DIS3: variants seen among roughly 807,000 people sequenced by gnomAD.
DIS3 encodes exosome complex exonuclease RRP44.
In DIS3, 103 loss-of-function variants were observed where a neutral mutation model predicts 113.0. That is an observed-to-expected ratio of 0.91 (90% CI 0.78 to 1.07). DIS3 has a LOEUF of 1.07. Among genes scored for constraint, DIS3 ranks in the 50% least tolerant of loss-of-function variants. The pLI, the probability that DIS3 is intolerant of heterozygous loss-of-function variation, is 0.00. For missense variants in DIS3, 1,121 were observed against 1,167.1 expected (o/e 0.96, Z 0.58); for synonymous variants, 402 against 394.3 (o/e 1.02, Z -0.23).
chr13:72,755,452 T>A lies in DIS3; in HGVS notation c.*4343A>T, dbSNP rs1000939267. 1 of 488,584 alleles carries A rather than the reference T, an allele frequency of 2.0e-6. No homozygotes were observed. The highest frequency in any genetic ancestry group is 3.6e-5 in the Admixed American group (1 of 27,694). The allele number at this position is 488,584 out of a possible 1,614,324, so 30.3% of individuals were successfully genotyped here. On this transcript the variant is annotated 3_prime_UTR_variant, in exon 21 of 21. Transcript: ENST00000377767. ...ATCAATAAATATTTTTATACTTACA[T>A]TGAGTGATGTGTTTAACAACAAATT...
chr13:72,772,044 C>T, intron 10 of DIS3, 115 bp downstream of exon 10: 1 of 1,194,432 alleles, frequency 8.4e-7, no homozygotes, highest in Non-Finnish European at 1.2e-6. Flanking sequence ...CAATAGCGTG[C>T]AGCTACAATT....
At chr13:72,760,732 ATAG>A (rs1158479890) in intron 19 of DIS3, 81 bp from the exon 20 acceptor site, 10 of 1,487,492 alleles carry the variant, frequency 6.7e-6, no homozygotes, top group Middle Eastern at 2.5e-4. Context: ...TTTATCTTAC[ATAG>A]TAGAAGTTTA....
chr13:72,766,929 G>T (rs988954411), intron 14 of DIS3, among the ~76,000 whole-genome samples: 3 of 152,102 alleles, frequency 2.0e-5, no homozygotes, highest in Non-Finnish European at 4.4e-5. Context: ...TTTATTAAAA[G>T]AACTATAGTA....
chr13:72,775,303 TGG>T lies in DIS3; in HGVS notation c.893_894del (p.Pro298GlnfsTer14). The T allele has an allele frequency of 1.2e-6, 2 of 1,613,832 alleles. No individual in the cohort carries two copies. Among genetic ancestry groups the T allele is most frequent in the Non-Finnish European group, 1.7e-6 (2 of 1,179,790 alleles). ...HEDIVAVELLPKSQWVAPSSV... is the reference protein window; with the variant it reads ...HEDIVAVELLXKSQWVAPSSV... Reference sequence around the variant, plus strand: ...GAAGATGGTGCTACCCACTGACTCTTGGGGAGAAGCTCCACAGCCACAATATC... The same window carrying T: ...GAAGATGGTGCTACCCACTGACTCTTGGAGAAGCTCCACAGCCACAATATC... On this transcript the variant is annotated frameshift_variant, in exon 6 of 21. Coordinates refer to ENST00000377767, the MANE Select transcript of DIS3 (RefSeq NM_014953.5). LOFTEE classifies it high-confidence loss of function.
At position 72,781,714 on chromosome 13, in the gene DIS3, C is replaced by CCACACGCTGCG; in HGVS notation, c.108_118dup (p.Gly40AlafsTer53). On this transcript the variant is annotated frameshift_variant, in exon 1 of 21. Transcript: ENST00000377767. LOFTEE classifies it high-confidence loss of function. ...CAGGGCCGGCCCCTCGTGCGCCCCTCCACACGCTGCGCACCCGGGCGCACC... is the reference window on the plus strand; with the variant it reads ...CAGGGCCGGCCCCTCGTGCGCCCCTCCACACGCTGCGCACACGCTGCGCACCCGGGCGCACC... 1 of 1,574,620 alleles carries CCACACGCTGCG rather than the reference C, an allele frequency of 6.4e-7. No individual in the cohort carries two copies. Among genetic ancestry groups the CCACACGCTGCG allele is most frequent in the Non-Finnish European group, 8.6e-7 (1 of 1,161,170 alleles).
chr13:72,781,617 C>A lies in DIS3; in HGVS notation c.216G>T (p.Val72=). The change falls in exon 1 of 21, where the codon GTG becomes GTT. Residue 72 remains valine (V), a synonymous_variant. Coordinates refer to ENST00000377767, the MANE Select transcript of DIS3 (RefSeq NM_014953.5). ...CCCGCCCACGCACCTGGTGCAGTAA[C>A]ACATTAGTGTCGGGCAGCAAGTAGT... The part of the protein sequence containing the change: ...QPHYLLPDTN[V]LLHQIDVLED... 6.6e-7 allele frequency: 1 copy of A among 1,525,698 alleles called. No individual in the cohort carries two copies. The highest frequency in any genetic ancestry group is 8.8e-7 in the Non-Finnish European group (1 of 1,132,846). The allele number at this position is 1,525,698 out of a possible 1,614,324, so 94.5% of individuals were successfully genotyped here.
rs910814690 is a variant in DIS3, at chr13:72,755,968, G to C, written c.*3827C>G. On this transcript the variant is annotated 3_prime_UTR_variant, in exon 21 of 21. Coordinates refer to ENST00000377767, the MANE Select transcript of DIS3 (RefSeq NM_014953.5). ...GAATGTGGGAGAACCAAGAGAAAAA[G>C]TGGGGCTGGGAGAGTGGAGTTCCCG... 4 of 398,500 alleles carry C rather than the reference G, an allele frequency of 1.0e-5. No homozygotes were observed. The highest frequency in any genetic ancestry group is 1.8e-5 in the Non-Finnish European group (4 of 226,082). The allele number at this position is 398,500 out of a possible 1,614,324, so 24.7% of individuals were successfully genotyped here.
intron 2 of DIS3, 31 bp from the exon 3 acceptor site, chr13:72,778,411 A>G (rs201239743): frequency 6.6e-7 from 1 of 1,516,528 alleles, no homozygotes; most frequent in East Asian, 2.3e-5. Flanking sequence ...AAATAAAAGG[A>G]AATCAGTAGA....
At chr13:72,760,836 A>G (rs890163395) in intron 19 of DIS3, among the ~76,000 whole-genome samples, 185 bp from the exon 20 acceptor site, 3 of 152,150 alleles carry the variant, frequency 2.0e-5, no homozygotes, top group South Asian at 4.1e-4. Context: ...TTATGTGCTT[A>G]CTTTCTCCTT....
Position 72,774,040 on chromosome 13 carries a change from T to C in DIS3, c.1007A>G (p.Glu336Gly). ...TERMLKTAVS[E>G]KMLKPTGRVV... ...TCTACCTGTAGGCTTCAACATTTTC[T>C]CGCTTACAGCAGTCTTAAGCTGAGA... The change falls in exon 7 of 21, where the codon GAG (glutamate) becomes GGG (glycine). Residue 336 changes from glutamate to glycine, a missense_variant. Glu to Gly is a moderately conservative substitution (Grantham distance 98). This residue lies in a region of DIS3 where 861 missense variants were observed against 915.5 expected (regional missense o/e 0.94). Coordinates refer to ENST00000377767, the MANE Select transcript of DIS3 (RefSeq NM_014953.5). The C allele has an allele frequency of 6.2e-7, 1 of 1,607,280 alleles. No homozygotes were observed. Among genetic ancestry groups the C allele is most frequent in the Non-Finnish European group, 8.5e-7 (1 of 1,178,102 alleles).
chr13:72,773,389 G>A (rs532069579), intron 8 of DIS3, among the ~76,000 whole-genome samples: 1 of 152,246 alleles, frequency 6.6e-6, no homozygotes. Flanking sequence ...TTGAACCTGG[G>A]AGGCTGAGGG....
intron 15 of DIS3, among the ~76,000 whole-genome samples, chr13:72,765,379 T>G (rs1006857342): frequency 6.6e-6 from 1 of 152,142 alleles, no homozygotes; most frequent in African/African-American, 2.4e-5. Context: ...TACCCTACTA[T>G]CTATCCTACT....
In DIS3 at chr13:72,781,898, T is replaced by C. The variant is rs1566257745; in HGVS notation, c.-66A>G. ...TCCAGCAAAAGGCGTCAATCTAGAATACGCCTAACCCCGGAGGTTCTTCCC... is the reference window on the plus strand; with the variant it reads ...TCCAGCAAAAGGCGTCAATCTAGAACACGCCTAACCCCGGAGGTTCTTCCC... On this transcript the variant is annotated 5_prime_UTR_variant, in exon 1 of 21. Transcript: ENST00000377767. 5.8e-6 allele frequency: 8 copies of C among 1,385,850 alleles called. No homozygotes were observed. Among genetic ancestry groups the C allele is most frequent in the Non-Finnish European group, 7.7e-6 (8 of 1,035,944 alleles). 85.8% of individuals were successfully genotyped at this position (1,385,850 alleles called of 1,614,324 possible).
rs146474893 is a variant in DIS3 at position 72,766,047 on chromosome 13, A to T, written c.1895T>A (p.Leu632Gln). The change falls in exon 15 of 21, where the codon CTA (leucine) becomes CAA (glutamine). Residue 632 changes from leucine (L) to glutamine (Q), a missense_variant. Transcript: ENST00000377767. ...GTGGAATCGAACTTCAGGAGAGGAT[A>T]GAGTCAAAGCCCTACATAAAAATTA... is the stretch of plus-strand genomic sequence containing the variant. ...KRRIEKGALTLSSPEVRFHMD... is the reference protein window; with the variant it reads ...KRRIEKGALTQSSPEVRFHMD... The T allele has an allele frequency of 6.2e-6, 10 of 1,609,940 alleles. No homozygotes were observed. Among genetic ancestry groups the T allele is most frequent in the Non-Finnish European group, 8.5e-6 (10 of 1,178,014 alleles).
intron 15 of DIS3, 63 bp from the exon 16 acceptor site, chr13:72,763,670 T>A (rs2033682852): frequency 6.7e-7 from 1 of 1,483,048 alleles, no homozygotes; most frequent in Non-Finnish European, 9.0e-7. Flanking sequence ...TATATCATAT[T>A]TTTTCACAGG....
In DIS3 at chr13:72,765,956, C is replaced by T. The variant is rs201522299; in HGVS notation, c.1970+16G>A. ...TAAAAAAATCTTATCTAATGCCCAT[C>T]AAAAAAATTACAAACCTAAGTTCCT... On this transcript the variant is annotated intron_variant, in intron 15 of 20. Transcript: ENST00000377767. The T allele has an allele frequency of 6.3e-7, 1 of 1,578,860 alleles. No individual in the cohort carries two copies. Among genetic ancestry groups the T allele is most frequent in the East Asian group, 2.2e-5 (1 of 44,492 alleles).
intron 11 of DIS3, 125 bp from the exon 12 acceptor site, chr13:72,771,270 G>C: frequency 1.3e-6 from 1 of 744,048 alleles, no homozygotes. Context: ...TTGTAAATAG[G>C]AGAATTGAGA....
chr13:72,770,976 T>C lies in DIS3; in HGVS notation c.1683A>G (p.Ser561=). ...CATTGTGATTCATTTCCCAAATACA[T>C]GAAAATGCCAGCCTGTGAAGGAAAA... is the stretch of plus-strand genomic sequence containing the variant. ...LKCDVDRLAF[S]CIWEMNHNAE... The change falls in exon 13 of 21, where the codon TCA becomes TCG. Residue 561 remains serine, a synonymous_variant. Transcript: ENST00000377767. The C allele has an allele frequency of 1.2e-6, 2 of 1,601,428 alleles. No individual in the cohort carries two copies. The highest frequency in any genetic ancestry group is 1.7e-6 in the Non-Finnish European group (2 of 1,173,246).
chr13:72,779,673 A>G (rs2034105897), intron 2 of DIS3, among the ~76,000 whole-genome samples: 1 of 151,854 alleles, frequency 6.6e-6, no homozygotes, highest in South Asian at 2.1e-4. Flanking sequence ...TCATTACCAG[A>G]AGTCTACACT....
Sources: gnomAD v4.1 joint callset for allele counts (sites outside exome capture counted in the v4.1 genomes callset) on GRCh38, gnomAD v4.1.1 for gene constraint, gnomAD v4.1.1 regional missense constraint, MANE v1.5 for transcripts, NCBI Gene and HGNC (gene_info 2026-07-23, HGNC 2026-07-21) for gene names.